LRRTM4: variants seen among roughly 807,000 people sequenced by gnomAD.
LRRTM4 encodes leucine rich repeat transmembrane neuronal 4.
In LRRTM4, 25 loss-of-function variants were observed where a neutral mutation model predicts 47.6. The ratio of observed to expected loss-of-function variants is 0.53; its 90% confidence interval spans 0.38 to 0.73. LRRTM4 has a LOEUF of 0.73. Ranked by LOEUF, LRRTM4 falls within the 30% of genes least tolerant of loss-of-function variation. The pLI, the probability that LRRTM4 is intolerant of heterozygous loss-of-function variation, is 0.00. For synonymous variants in LRRTM4, 311 were observed against 269.5 expected (o/e 1.15, Z -1.51); for missense variants, 638 against 713.4 (o/e 0.89, Z 1.20).
chr2:76,780,406 C>T (rs957402613), intron 3 of LRRTM4, among the ~76,000 whole-genome samples: 22 of 152,218 alleles, frequency 1.4e-4, no homozygotes, highest in African/African-American at 2.6e-4. Flanking sequence ...ACCAATCAGA[C>T]GTAGATTTGG....
intron 3 of LRRTM4, among the ~76,000 whole-genome samples, chr2:77,069,107 C>G (rs1680061383): frequency 6.6e-6 from 1 of 152,070 alleles, no homozygotes; most frequent in African/African-American, 2.4e-5. Flanking sequence ...ATGGGTAAAT[C>G]TCTATTCGAG....
At chr2:77,120,303 C>T in intron 3 of LRRTM4, among the ~76,000 whole-genome samples, 1 of 151,708 alleles carries the variant, frequency 6.6e-6, no homozygotes, top group East Asian at 1.9e-4. Flanking sequence ...TCAAGTTTCT[C>T]AAATGACTTT....
At chr2:77,213,609 C>T (rs1433468371) in intron 3 of LRRTM4, among the ~76,000 whole-genome samples, 1 of 152,080 alleles carries the variant, frequency 6.6e-6, no homozygotes, top group Non-Finnish European at 1.5e-5. Context: ...TTTCCAACAA[C>T]AAAAGATAAG....
intron 3 of LRRTM4, among the ~76,000 whole-genome samples, chr2:76,901,077 T>C (rs1319990836): frequency 6.6e-6 from 1 of 152,310 alleles, no homozygotes; most frequent in South Asian, 2.1e-4. Flanking sequence ...AGAGTACATG[T>C]GCAGGATGCG....
chr2:76,795,867 C>G (rs920496740), intron 3 of LRRTM4, among the ~76,000 whole-genome samples: 3 of 151,966 alleles, frequency 2.0e-5, no homozygotes, highest in South Asian at 4.1e-4. Flanking sequence ...GTGAGCGACG[C>G]AGAAGACGGG....
At chr2:76,827,644 G>A (rs886733201) in intron 3 of LRRTM4, among the ~76,000 whole-genome samples, 2 of 151,854 alleles carry the variant, frequency 1.3e-5, no homozygotes, top group East Asian at 1.9e-4. Context: ...TAGTAAAGAT[G>A]TATATGAGGA....
chr2:76,859,331 C>A (rs767631014), intron 3 of LRRTM4, among the ~76,000 whole-genome samples: 2 of 151,954 alleles, frequency 1.3e-5, no homozygotes, highest in South Asian at 4.1e-4. Context: ...AATGGCACCA[C>A]CTACTCATAA....
At chr2:77,048,287 G>T (rs1244482783) in intron 3 of LRRTM4, among the ~76,000 whole-genome samples, 2 of 151,984 alleles carry the variant, frequency 1.3e-5, no homozygotes, top group African/African-American at 4.8e-5. Flanking sequence ...ATTGGCGTGA[G>T]AAATTGTTTT....
At chr2:77,105,495 A>T (rs1274864587) in intron 3 of LRRTM4, among the ~76,000 whole-genome samples, 1 of 114,752 alleles carries the variant, frequency 8.7e-6, no homozygotes, top group Admixed American at 1.3e-4. Flanking sequence ...AACATCACAC[A>T]CCGGGGCCTG....
chr2:76,966,942 A>C (rs1326165423), intron 3 of LRRTM4, among the ~76,000 whole-genome samples: 1 of 151,238 alleles, frequency 6.6e-6, no homozygotes, highest in Non-Finnish European at 1.5e-5. Flanking sequence ...CAGCCCTCTC[A>C]ATTTTTATTC....
chr2:77,107,833 A>AAAG (rs1553390674), intron 3 of LRRTM4, among the ~76,000 whole-genome samples: 33 of 151,482 alleles, frequency 2.2e-4, no homozygotes, highest in African/African-American at 6.5e-4. Flanking sequence ...AAAAAAAAAA[A>AAAG]AAAGAAAGAA....
chr2:77,308,379 A>G (rs1253679581), intron 3 of LRRTM4, among the ~76,000 whole-genome samples: 1 of 152,038 alleles, frequency 6.6e-6, no homozygotes, highest in Admixed American at 6.6e-5. Flanking sequence ...TGATTATTAC[A>G]TTAGTTACTG....
chr2:77,417,084 G>C (rs1232029277), intron 3 of LRRTM4, among the ~76,000 whole-genome samples: 2 of 147,822 alleles, frequency 1.4e-5, no homozygotes, highest in East Asian at 3.9e-4. Flanking sequence ...GTGGGCAAAG[G>C]ATATGAACAC....
chr2:77,084,352 T>C (rs527778455), intron 3 of LRRTM4, among the ~76,000 whole-genome samples: 2 of 152,328 alleles, frequency 1.3e-5, no homozygotes, highest in Admixed American at 6.5e-5. Context: ...GGTGATGAGA[T>C]GCAATCAGCC....
At position 77,457,048 on chromosome 2, in the gene LRRTM4, A is replaced by ATATATATATG. The variant is rs1374730571; in HGVS notation, c.1551+61269_1551+61270insCATATATATA. 2.9e-3 allele frequency among the ~76,000 whole-genome samples: 43 copies of ATATATATATG among 14,644 alleles called. 1 individual carries two copies. Among genetic ancestry groups the ATATATATATG allele is most frequent in the African/African-American group, 7.2e-3 (42 of 5,832 alleles). The allele number at this position is 14,644 out of a possible 152,430, so 9.6% of individuals were successfully genotyped here. On this transcript the variant is annotated intron_variant, in intron 3 of 3. Transcript: ENST00000409884. Reference sequence around the variant, plus strand: ...TATATATATATATATATATATATATATATGTATAACCTGGAACTCTTTGAC... The same window carrying ATATATATATG: ...TATATATATATATATATATATATATATATATATATGTATGTATAACCTGGAACTCTTTGAC...
At chr2:76,768,922 A>C (rs1040595257) in intron 3 of LRRTM4, among the ~76,000 whole-genome samples, 2 of 152,082 alleles carry the variant, frequency 1.3e-5, no homozygotes, top group African/African-American at 2.4e-5. Context: ...CTATATTGAA[A>C]TTCACATAAA....
At chr2:77,401,842 A>G (rs1316553339) in intron 3 of LRRTM4, among the ~76,000 whole-genome samples, 1 of 152,020 alleles carries the variant, frequency 6.6e-6, no homozygotes, top group Non-Finnish European at 1.5e-5. Context: ...GATTAGATGT[A>G]GAATTCAAGA....
intron 3 of LRRTM4, among the ~76,000 whole-genome samples, chr2:77,411,388 CT>C (rs1558730957): frequency 2.0e-5 from 3 of 151,466 alleles, no homozygotes; most frequent in African/African-American, 7.3e-5. Flanking sequence ...CTTTCTTTCT[CT>C]CTTTCTTTCT....
chr2:76,790,024 A>G (rs2103707934), intron 3 of LRRTM4, among the ~76,000 whole-genome samples: 1 of 152,284 alleles, frequency 6.6e-6, no homozygotes, highest in Admixed American at 6.5e-5. Context: ...TGGGAATTGG[A>G]TAAATGTTCC....
Sources: gnomAD v4.1 joint callset for allele counts (sites outside exome capture counted in the v4.1 genomes callset) on GRCh38, gnomAD v4.1.1 for gene constraint, MANE v1.5 for transcripts, NCBI Gene and HGNC (gene_info 2026-07-23, HGNC 2026-07-21) for gene names.